Variants in MLLT10 observed in about 807,000 individuals in gnomAD.
MLLT10 encodes MLLT10 histone lysine methyltransferase DOT1L cofactor, also known as protein AF-10.
MLLT10 carries 30 observed loss-of-function variants against 129.1 expected under a neutral mutation model. The ratio of observed to expected loss-of-function variants is 0.23; its 90% CI spans 0.17 to 0.32. MLLT10 has a LOEUF of 0.32. Ranked by LOEUF, MLLT10 falls within the 10% of genes least tolerant of loss-of-function variation. The probability of loss-of-function intolerance (pLI) is 1.00; values close to 1 mark genes in which losing one functional copy is unlikely to be tolerated. For missense variants in MLLT10, 1,119 were observed against 1,268.3 expected, an observed-to-expected ratio of 0.88 and a Z score of 1.79; for synonymous variants, 490 against 446.4, an observed-to-expected ratio of 1.10 and a Z score of -1.23.
intron 8 of MLLT10, among the ~76,000 whole-genome samples, chr10:21,618,184 T>C (rs1460705349): frequency 1.3e-5 from 2 of 152,192 alleles, no homozygotes; most frequent in Non-Finnish European, 2.9e-5. Flanking sequence ...TTTGTAAATA[T>C]GATTTGGTAA....
chr10:21,724,582 A>T (rs1269875486), intron 14 of MLLT10, among the ~76,000 whole-genome samples: 1 of 152,226 alleles, frequency 6.6e-6, no homozygotes, highest in African/African-American at 2.4e-5. Flanking sequence ...CTTCAGTTTG[A>T]TTTCATTCAT....
intron 2 of MLLT10, among the ~76,000 whole-genome samples, chr10:21,536,456 A>C (rs2034021718): frequency 6.6e-6 from 1 of 152,220 alleles, no homozygotes; most frequent in African/African-American, 2.4e-5. Context: ...TTTTTATTCA[A>C]ATCTTAAATT....
chr10:21,670,318 A>C, intron 9 of MLLT10, 131 bp from the exon 10 acceptor site: 1 of 787,826 alleles, frequency 1.3e-6, no homozygotes, highest in Non-Finnish European at 1.9e-6. Context: ...TCTTAGGTGA[A>C]CTGACTTATT....
intron 3 of MLLT10, among the ~76,000 whole-genome samples, chr10:21,549,689 T>G: frequency 7.0e-6 from 1 of 143,320 alleles, no homozygotes; most frequent in Admixed American, 7.3e-5. Flanking sequence ...TGAGAGAGTG[T>G]CTTGCTCTGT....
intron 13 of MLLT10, among the ~76,000 whole-genome samples, chr10:21,685,770 C>T (rs924509928): frequency 2.0e-5 from 3 of 152,016 alleles, no homozygotes; most frequent in Admixed American, 2.0e-4. Context: ...CAAGACAGTC[C>T]AATACAAAGT....
intron 5 of MLLT10, among the ~76,000 whole-genome samples, chr10:21,598,317 A>G (rs1480738947): frequency 1.3e-5 from 2 of 152,210 alleles, no homozygotes; most frequent in Non-Finnish European, 2.9e-5. Context: ...CTTTTGACCT[A>G]TCATTTCAGA....
At chr10:21,612,193 A>G (rs887873287) in intron 5 of MLLT10, among the ~76,000 whole-genome samples, 155 bp from the exon 6 acceptor site, 1 of 152,146 alleles carries the variant, frequency 6.6e-6, no homozygotes, top group Admixed American at 6.6e-5. Context: ...TTTGTATTGT[A>G]TGCAAAAATT....
rs532224230 is a variant in MLLT10 at position 21,681,515 on chromosome 10, C to T, written c.1666+139C>T. The stretch of plus-strand genomic sequence containing the variant: ...TTCTTAATTGAACAGATACTTTTCT[C>T]CTGCAAAGATAATGTACTGCTTTGT... On this transcript the variant is annotated intron_variant, in intron 12 of 22. Transcript: ENST00000307729. The T allele has an allele frequency of 9.9e-6, 6 of 604,278 alleles. 1 individual carries two copies. The allele number at this position is 604,278 out of a possible 1,614,324, so 37.4% of individuals were successfully genotyped here.
chr10:21,668,672 A>G (rs1275151994), intron 9 of MLLT10, among the ~76,000 whole-genome samples: 1 of 152,102 alleles, frequency 6.6e-6, no homozygotes, highest in Admixed American at 6.5e-5. Context: ...GTTTCTTCCA[A>G]ATGTCATGTT....
chr10:21,536,157 T>G (rs1243462917), intron 2 of MLLT10, among the ~76,000 whole-genome samples: 1 of 152,180 alleles, frequency 6.6e-6, no homozygotes, highest in Non-Finnish European at 1.5e-5. Context: ...GCCAGGCTGG[T>G]CTCAAATTCC....
chr10:21,704,009 G>GTT (rs1374584060), intron 13 of MLLT10, among the ~76,000 whole-genome samples: 55 of 49,270 alleles, frequency 1.1e-3, no homozygotes, highest in East Asian at 2.9e-3. Context: ...GATTTCGATT[G>GTT]TTTTTTGTTT....
intron 8 of MLLT10, among the ~76,000 whole-genome samples, chr10:21,646,852 CCTTTTT>C (rs1431513081): frequency 2.0e-5 from 3 of 150,088 alleles, no homozygotes; most frequent in African/African-American, 7.4e-5. Context: ...CTGACTATTC[CCTTTTT>C]TTTTTTTTTT....
intron 8 of MLLT10, among the ~76,000 whole-genome samples, chr10:21,630,543 C>G (rs2131264015): frequency 6.6e-6 from 1 of 152,300 alleles, no homozygotes; most frequent in East Asian, 1.9e-4. Context: ...AGCAAGCAAA[C>G]AGCCTTGGAA....
At chr10:21,538,418 C>T (rs896905431) in intron 2 of MLLT10, among the ~76,000 whole-genome samples, 1 of 152,066 alleles carries the variant, frequency 6.6e-6, no homozygotes, top group African/African-American at 2.4e-5. Context: ...CTGTCTCAGC[C>T]TCCCAAAGTG....
chr10:21,549,844 G>C (rs1450281310), intron 3 of MLLT10, among the ~76,000 whole-genome samples: 1 of 151,744 alleles, frequency 6.6e-6, no homozygotes. Flanking sequence ...TCGCCATGTC[G>C]GCCAGGCTGG....
At chr10:21,741,218 C>G (rs1249324302) in intron 22 of MLLT10, among the ~76,000 whole-genome samples, 2 of 152,174 alleles carry the variant, frequency 1.3e-5, no homozygotes, top group Non-Finnish European at 2.9e-5. Flanking sequence ...CTCCAGTGTT[C>G]TGCTGACATG....
At chr10:21,682,910 C>T (rs1055364440) in intron 13 of MLLT10, among the ~76,000 whole-genome samples, 25 of 152,234 alleles carry the variant, frequency 1.6e-4, no homozygotes, top group African/African-American at 4.8e-4. Flanking sequence ...CAAAAATTCT[C>T]GTTTTGAGGC....
At chr10:21,685,803 A>G (rs1449355355) in intron 13 of MLLT10, among the ~76,000 whole-genome samples, 4 of 152,256 alleles carry the variant, frequency 2.6e-5, no homozygotes, top group South Asian at 2.1e-4. Context: ...GAAAATTAAC[A>G]TATTCCCAAG....
intron 3 of MLLT10, among the ~76,000 whole-genome samples, chr10:21,579,296 C>T (rs2041118803): frequency 6.6e-6 from 1 of 152,134 alleles, no homozygotes; most frequent in East Asian, 1.9e-4. Context: ...ATTTTTCCCT[C>T]TGTGTTTGCT....
Sources: gnomAD v4.1 joint callset for allele counts (sites outside exome capture counted in the v4.1 genomes callset) on GRCh38, gnomAD v4.1.1 for gene constraint, MANE v1.5 for transcripts, NCBI Gene and HGNC (gene_info 2026-07-23, HGNC 2026-07-21) for gene names.